MYOM3: variants seen among roughly 807,000 people sequenced by gnomAD.
MYOM3 encodes the protein myomesin-3.
Under a neutral mutation model 191.7 loss-of-function variants are expected in MYOM3, and 155 were observed. The ratio of observed to expected loss-of-function variants is 0.81; its 90% confidence interval spans 0.71 to 0.92. The LOEUF (loss-of-function observed/expected upper bound fraction) is 0.92. MYOM3 is among the 40% of genes least tolerant of loss of function. The pLI, the probability that MYOM3 is intolerant of heterozygous loss-of-function variation, is 0.00. For synonymous variants in MYOM3, 757 were observed against 762.9 expected, an observed-to-expected ratio of 0.99 and a Z score of 0.13; for missense variants, 1,889 against 1,890.6, an observed-to-expected ratio of 1.00 and a Z score of 0.02.
At chr1:24,066,086 CAGTGG>C (rs1643430735) in intron 28 of MYOM3, 85 bp from the exon 29 acceptor site, 1 of 858,640 alleles carries the variant, frequency 1.2e-6, no homozygotes, top group Non-Finnish European at 2.0e-6. Context: ...TCAGGCATCT[CAGTGG>C]AGTCCTTTCA....
chr1:24,060,394 C>T (rs6689554), intron 35 of MYOM3, among the ~76,000 whole-genome samples: 10,380 of 152,276 alleles, frequency 0.068, 759 homozygotes, highest in East Asian at 0.17. Flanking sequence ...TCCCCTCCCA[C>T]ACATGGCCTC....
chr1:24,092,267 C>G lies in MYOM3; in HGVS notation c.1139G>C (p.Arg380Pro). The change falls in exon 11 of 37, where the codon CGA becomes CCA. Residue 380 changes from arginine to proline, a missense_variant. By Grantham distance (103) the Arg-to-Pro change is moderately radical. Coordinates refer to ENST00000374434, the MANE Select transcript of MYOM3 (RefSeq NM_152372.4). ...GCAGTCTCTGTTCACATCCAGGCAT[C>G]GGACGTTCAGTGGGGAGCCTGGGGC... ...PGAPGSPLNV[R>P]CLDVNRDCLI... The G allele has an allele frequency of 7.2e-7, 1 of 1,397,020 alleles. No homozygotes were observed. Among genetic ancestry groups the G allele is most frequent in the Non-Finnish European group, 9.4e-7 (1 of 1,065,876 alleles). 86.5% of individuals were successfully genotyped at this position (1,397,020 alleles called of 1,614,324 possible). A position where few individuals can be genotyped will look rare whatever the true frequency, so the allele number is the denominator to read the frequency against.
chr1:24,061,444 C>A, intron 33 of MYOM3, 135 bp from the exon 34 acceptor site: 1 of 879,398 alleles, frequency 1.1e-6, no homozygotes, highest in East Asian at 2.7e-5. Flanking sequence ...TTCTTTGGGG[C>A]AGTGGCAGGA....
At chr1:24,065,398 T>C (rs376210249) in intron 29 of MYOM3, among the ~76,000 whole-genome samples, 36 of 152,234 alleles carry the variant, frequency 2.4e-4, no homozygotes, top group African/African-American at 7.7e-4. Flanking sequence ...GGGGGAGGAC[T>C]TGGGGGGAGA....
At chr1:24,092,744 C>A (rs1035096173) in intron 10 of MYOM3, among the ~76,000 whole-genome samples, 5 of 152,186 alleles carry the variant, frequency 3.3e-5, no homozygotes, top group Non-Finnish European at 5.9e-5. Flanking sequence ...TCCAGCCAGG[C>A]TAACTCTCGG....
rs140502459 is a variant in MYOM3 at position 24,106,664 on chromosome 1, C to T, written c.402+409G>A. Among the ~76,000 whole-genome samples the T allele has an allele frequency of 3.6e-4, 55 of 152,240 alleles. No individual in the cohort carries two copies. In the East Asian group the frequency reaches 0.01, roughly 28 times the overall value. ...GTAGTGTGATCTTGGATCACTGAAA[C>T]CTCTGCCTCTTGGGTTCAAGCGATT... is the stretch of plus-strand genomic sequence containing the variant. On this transcript the variant is annotated intron_variant, in intron 4 of 36. Transcript: ENST00000374434.
At chr1:24,103,026 C>T (rs989452634) in intron 5 of MYOM3, among the ~76,000 whole-genome samples, 14 of 152,172 alleles carry the variant, frequency 9.2e-5, no homozygotes, top group African/African-American at 1.7e-4. Context: ...CCAGGGGCCA[C>T]CTGAGTTGCC....
intron 35 of MYOM3, among the ~76,000 whole-genome samples, chr1:24,060,609 A>C (rs952256514): frequency 1.3e-5 from 2 of 152,164 alleles, no homozygotes; most frequent in African/African-American, 4.8e-5. Context: ...GAATGGGACA[A>C]GCTCGAGCTC....
intron 5 of MYOM3, among the ~76,000 whole-genome samples, chr1:24,100,457 G>C (rs958570720): frequency 1.3e-5 from 2 of 152,094 alleles, no homozygotes; most frequent in African/African-American, 4.8e-5. Context: ...CCTAGGACCA[G>C]GCCCCAGCTT....
At chr1:24,061,239 A>G (rs748542320) in intron 34 of MYOM3, 34 bp downstream of exon 34, 5 of 1,613,622 alleles carry the variant, frequency 3.1e-6, no homozygotes, top group East Asian at 2.2e-5. Context: ...GAAGGGGCCT[A>G]TAATTCACAC....
At position 24,057,427 on chromosome 1, in the gene MYOM3, C is replaced by T. The variant is rs567009702; in HGVS notation, c.4251G>A (p.Thr1417=). ...TGAACACACTGATGGTGACCTGGCCCGTCTCGGAGCCATACTTGTTCTTGA... is the reference window on the plus strand; with the variant it reads ...TGAACACACTGATGGTGACCTGGCCTGTCTCGGAGCCATACTTGTTCTTGA... ...VFVKNKYGSE[T]GQVTISVFKH... is the part of the protein sequence containing the mutation. The change falls in exon 37 of 37, where the codon ACG becomes ACA. Residue 1417 remains threonine (T), a synonymous_variant. Coordinates refer to ENST00000374434, the MANE Select transcript of MYOM3 (RefSeq NM_152372.4). The T allele has an allele frequency of 1.3e-5, 21 of 1,614,176 alleles. No homozygotes were observed. Among genetic ancestry groups the T allele is most frequent in the South Asian group, 9.9e-5 (9 of 91,078 alleles).
At chr1:24,102,645 C>T (rs1183999651) in intron 5 of MYOM3, among the ~76,000 whole-genome samples, 3 of 151,998 alleles carry the variant, frequency 2.0e-5, no homozygotes, top group Non-Finnish European at 2.9e-5. Context: ...GCCAGGAGTT[C>T]GAGACAGCCT....
intron 15 of MYOM3, among the ~76,000 whole-genome samples, chr1:24,085,280 A>AGATT (rs1553156707): frequency 7.3e-6 from 1 of 137,600 alleles, no homozygotes; most frequent in East Asian, 2.2e-4. Context: ...ATGGATGGAT[A>AGATT]GATGGATGGA....
In MYOM3 at chr1:24,090,959, C is replaced by T. The variant is rs375016010; in HGVS notation, c.1270G>A (p.Glu424Lys). The T allele has an allele frequency of 3.1e-6, 5 of 1,614,068 alleles. No homozygotes were observed. The African/African-American group carries it at 6.7e-5, about 22-fold the overall frequency. Residue 424 changes from glutamate (E) to lysine (K), a missense_variant, in exon 12 of 37, where the codon GAG becomes AAG. Physicochemically the swap from Glu to Lys is moderately conservative, Grantham distance 56 (BLOSUM62 1). Coordinates refer to ENST00000374434, the MANE Select transcript of MYOM3 (RefSeq NM_152372.4). ...CACCGACAAGTCCCTCCGGGGGCCT[C>T]ATGGCAGGCGATCCATTCCCCAGAC... is the stretch of plus-strand genomic sequence containing the variant. ...GESGEWIACH[E>K]APGGTCRCPI...
In MYOM3 at chr1:24,057,113, A is replaced by T. The variant is rs1182683449; in HGVS notation, c.*251T>A. The stretch of plus-strand genomic sequence containing the variant: ...GATGCCAGTACTGTTAGATAGCCCC[A>T]GTGCATCCGGGTCTCCTACTCCAGG... On this transcript the variant is annotated 3_prime_UTR_variant, in exon 37 of 37. Coordinates refer to ENST00000374434, the MANE Select transcript of MYOM3 (RefSeq NM_152372.4). 1.8e-6 allele frequency: 1 copy of T among 541,506 alleles called. No homozygotes were observed. Among genetic ancestry groups the T allele is most frequent in the East Asian group, 3.0e-5 (1 of 33,360 alleles). The allele number at this position is 541,506 out of a possible 1,614,324, so 33.5% of individuals were successfully genotyped here.
chr1:24,057,197 C>G lies in MYOM3; in HGVS notation c.*167G>C. ...CAGGACCCCAGAAAGATCTTTGCTT[C>G]TCCACTTTGGTGCATCCGCTCCACC... On this transcript the variant is annotated 3_prime_UTR_variant, in exon 37 of 37. Coordinates refer to ENST00000374434, the MANE Select transcript of MYOM3 (RefSeq NM_152372.4). 1 of 688,246 alleles carries G rather than the reference C, an allele frequency of 1.5e-6. No homozygotes were observed. Among genetic ancestry groups the G allele is most frequent in the Non-Finnish European group, 2.4e-6 (1 of 418,564 alleles). 42.6% of individuals were successfully genotyped at this position (688,246 alleles called of 1,614,324 possible).
At chr1:24,094,026 C>T (rs192336186) in intron 9 of MYOM3, among the ~76,000 whole-genome samples, 3 of 152,142 alleles carry the variant, frequency 2.0e-5, no homozygotes, top group Non-Finnish European at 4.4e-5. Context: ...TCCCAGCCCA[C>T]GGGTCAGCAA....
At chr1:24,086,586 C>A (rs1053365568) in intron 15 of MYOM3, 58 bp downstream of exon 15, 1 of 1,554,024 alleles carries the variant, frequency 6.4e-7, no homozygotes, top group Non-Finnish European at 8.7e-7. Flanking sequence ...CCTGCAGCTT[C>A]AGGTCCTGAG....
rs1445030284 is a variant in MYOM3 at position 24,084,628 on chromosome 1, G to T, written c.1810C>A (p.Pro604Thr). The T allele has an allele frequency of 9.3e-6, 15 of 1,611,108 alleles. No individual in the cohort carries two copies. Among genetic ancestry groups the T allele is most frequent in the Non-Finnish European group, 1.3e-5 (15 of 1,178,678 alleles). The change falls in exon 16 of 37, where the codon CCT becomes ACT. Residue 604 changes from proline (P) to threonine (T), a missense_variant. By Grantham distance (38) the Pro-to-Thr change is conservative (BLOSUM62 -1). Transcript: ENST00000374434. Reference sequence around the variant, plus strand: ...CTGAAAGCTTGAACTTGAGCTGGAGGAGGGAGGGTAGCTAAAAAATAGAAA... The same window carrying T: ...CTGAAAGCTTGAACTTGAGCTGGAGTAGGGAGGGTAGCTAAAAAATAGAAA... ...ALRGPPATLP[P>T]PAQVQAFRDT...
Sources: gnomAD v4.1 joint callset for allele counts (sites outside exome capture counted in the v4.1 genomes callset) on GRCh38, gnomAD v4.1.1 for gene constraint, MANE v1.5 for transcripts, NCBI Gene and HGNC (gene_info 2026-07-23, HGNC 2026-07-21) for gene names.